Variants in TAS2R40 observed in about 807,000 individuals in gnomAD.
TAS2R40 encodes the protein taste receptor type 2 member 40.
In TAS2R40, 14 loss-of-function variants were observed where a neutral mutation model predicts 16.5. The ratio of observed to expected loss-of-function variants is 0.85; its 90% CI spans 0.56 to 1.32. The LOEUF is 1.32. Among genes scored for constraint, TAS2R40 ranks in the 40% most tolerant of loss-of-function variants. The pLI, the probability that TAS2R40 is intolerant of heterozygous loss-of-function variation, is 0.00. For missense variants in TAS2R40, 350 were observed against 385.9 expected (o/e 0.91, Z 0.78); for synonymous variants, 152 against 150.2 (o/e 1.01, Z -0.09).
rs769936298 is a variant in TAS2R40 at position 143,222,810 on chromosome 7, G to T, written c.732G>T (p.Gly244=). The T allele has an allele frequency of 1.2e-6, 2 of 1,614,110 alleles. No homozygotes were observed. The highest frequency in any genetic ancestry group is 1.7e-6 in the Non-Finnish European group (2 of 1,180,024). Reference sequence around the variant, plus strand: ...ACCCCAGCATGAAGGCTCACATAGGGGCCATCAAAGCCACCAGCTACTTTC... The same window carrying T: ...ACCCCAGCATGAAGGCTCACATAGGTGCCATCAAAGCCACCAGCTACTTTC... ...SRDPSMKAHI[G]AIKATSYFLI... Residue 244 remains glycine, a synonymous_variant, in exon 1 of 1, where the codon GGG becomes GGT. Transcript: ENST00000408947.
In TAS2R40 at chr7:143,222,495, A is replaced by G; in HGVS notation, c.417A>G (p.Ile139Met). ...TCTTCCTGATGAAGAGGAAAATCAT[A>G]GTGCTGATGCCTTGGCTTCTCAGGC... ...PLFFLMKRKI[I>M]VLMPWLLRLS... Residue 139 changes from isoleucine to methionine, a missense_variant, in exon 1 of 1, where the codon ATA becomes ATG. Coordinates refer to ENST00000408947, the MANE Select transcript of TAS2R40 (RefSeq NM_176882.2). 1 of 1,614,190 alleles carries G rather than the reference A, an allele frequency of 6.2e-7. No individual in the cohort carries two copies. Among genetic ancestry groups the G allele is most frequent in the East Asian group, 2.2e-5 (1 of 44,880 alleles).
At position 143,222,962 on chromosome 7, in the gene TAS2R40, A is replaced by T. The variant is rs549191879; in HGVS notation, c.884A>T (p.Gln295Leu). 90 of 1,614,174 alleles carry T rather than the reference A, an allele frequency of 5.6e-5. No homozygotes were observed. In the South Asian group the frequency reaches 9.4e-4, roughly 17 times the overall value. ...MAAYPAGHSV[Q>L]LILGNPGLRR... ...GCCTACCCTGCCGGCCACTCAGTAC[A>T]ACTGATCTTGGGCAACCCTGGGCTG... The change falls in exon 1 of 1, where the codon CAA becomes CTA. Residue 295 changes from glutamine (Q) to leucine (L), a missense_variant. Physicochemically the swap from Gln to Leu is moderately radical, Grantham distance 113 (BLOSUM62 -2). Coordinates refer to ENST00000408947, the MANE Select transcript of TAS2R40 (RefSeq NM_176882.2).
Position 143,222,810 on chromosome 7 carries a change from G to A in TAS2R40, c.732G>A (p.Gly244=), listed in dbSNP as rs769936298. The stretch of plus-strand genomic sequence containing the variant: ...ACCCCAGCATGAAGGCTCACATAGG[G>A]GCCATCAAAGCCACCAGCTACTTTC... ...SRDPSMKAHI[G]AIKATSYFLI... Residue 244 remains glycine (G), a synonymous_variant, in exon 1 of 1, where the codon GGG becomes GGA. Coordinates refer to ENST00000408947, the MANE Select transcript of TAS2R40 (RefSeq NM_176882.2). The A allele has an allele frequency of 1.9e-6, 3 of 1,614,110 alleles. No homozygotes were observed. The South Asian group carries it at 3.3e-5, about 18-fold the overall frequency.
Position 143,223,015 on chromosome 7 carries a change from C to G in TAS2R40, c.937C>G (p.Gln313Glu). Residue 313 changes from glutamine (Q) to glutamate (E), a missense_variant, in exon 1 of 1, where the codon CAA becomes GAA. By Grantham distance (29) the Gln-to-Glu change is conservative. Transcript: ENST00000408947. ...LRRAWKRFQH[Q>E]VPLYLKGQTL ...AAGAGCCTGGAAGCGGTTTCAGCACCAAGTTCCTCTTTACCTAAAAGGGCA... is the reference window on the plus strand; with the variant it reads ...AAGAGCCTGGAAGCGGTTTCAGCACGAAGTTCCTCTTTACCTAAAAGGGCA... 2 of 1,612,204 alleles carry G rather than the reference C, an allele frequency of 1.2e-6. No individual in the cohort carries two copies.
In TAS2R40 at chr7:143,222,588, T is replaced by G; in HGVS notation, c.510T>G (p.Asn170Lys). Reference sequence around the variant, plus strand: ...GAGATGTCTTCAATGTGTATGTGAATAGCTCCATTCCTATCCCCTCCTCCA... The same window carrying G: ...GAGATGTCTTCAATGTGTATGTGAAGAGCTCCATTCCTATCCCCTCCTCCA... ...LSRDVFNVYVNSSIPIPSSNS... is the reference protein window; with the variant it reads ...LSRDVFNVYVKSSIPIPSSNS... Residue 170 changes from asparagine (N) to lysine (K), a missense_variant, in exon 1 of 1, where the codon AAT (asparagine) becomes AAG (lysine). Asn to Lys is a moderately conservative substitution (Grantham distance 94, BLOSUM62 0). Transcript: ENST00000408947. 1 of 1,614,182 alleles carries G rather than the reference T, an allele frequency of 6.2e-7. No individual in the cohort carries two copies. Among genetic ancestry groups the G allele is most frequent in the Non-Finnish European group, 8.5e-7 (1 of 1,180,030 alleles).
In TAS2R40 at chr7:143,222,086, C is replaced by T. The variant is rs1293222964; in HGVS notation, c.8C>T (p.Thr3Met). MA[T>M]VNTDATDKDI... ...AAGTCAGGATCAAAGAGAATGGCAA[C>T]GGTGAACACAGATGCCACAGATAAA... Residue 3 changes from threonine (T) to methionine (M), a missense_variant, in exon 1 of 1, where the codon ACG becomes ATG. Physicochemically the swap from Thr to Met is moderately conservative, Grantham distance 81 (BLOSUM62 -1). Transcript: ENST00000408947. 7.5e-6 allele frequency: 12 copies of T among 1,607,608 alleles called. No homozygotes were observed. Among genetic ancestry groups the T allele is most frequent in the Middle Eastern group, 1.7e-4 (1 of 6,016 alleles).
Position 143,223,051 on chromosome 7 carries a change from C to A in TAS2R40, c.*1C>A. On this transcript the variant is annotated 3_prime_UTR_variant, in exon 1 of 1. Transcript: ENST00000408947. The stretch of plus-strand genomic sequence containing the variant: ...TTACCTAAAAGGGCAGACTCTGTGA[C>A]TGGAACTCACGGAGTTCTGCGGGAC... The A allele has an allele frequency of 6.3e-7, 1 of 1,592,832 alleles. No homozygotes were observed.
In TAS2R40 at chr7:143,222,279, G is replaced by C; in HGVS notation, c.201G>C (p.Arg67Ser). 2 of 1,614,110 alleles carry C rather than the reference G, an allele frequency of 1.2e-6. No individual in the cohort carries two copies. The highest frequency in any genetic ancestry group is 1.7e-6 in the Non-Finnish European group (2 of 1,180,018). The change falls in exon 1 of 1, where the codon AGG (arginine) becomes AGC (serine). Residue 67 changes from arginine (R) to serine (S), a missense_variant. By Grantham distance (110) the Arg-to-Ser change is moderately radical (BLOSUM62 -1). Coordinates refer to ENST00000408947, the MANE Select transcript of TAS2R40 (RefSeq NM_176882.2). The part of the protein sequence containing the change: ...DRIMLMLSFS[R>S]LLLQIWMMLE... The stretch of plus-strand genomic sequence containing the variant: ...TTATGTTGATGCTGAGCTTTTCCAG[G>C]CTCTTGCTACAGATTTGGATGATGC...
rs925983468 is a variant in TAS2R40, at chr7:143,222,318, C to T, written c.240C>T (p.Phe80=). 2.5e-6 allele frequency: 4 copies of T among 1,614,192 alleles called. No individual in the cohort carries two copies. The South Asian group carries it at 4.4e-5, about 18-fold the overall frequency. Residue 80 remains phenylalanine (F), a synonymous_variant, in exon 1 of 1, where the codon TTC becomes TTT. Coordinates refer to ENST00000408947, the MANE Select transcript of TAS2R40 (RefSeq NM_176882.2). ...TTTGGATGATGCTGGAGAACATTTTCAGTCTGCTATTCCGAATTGTTTATA... is the reference window on the plus strand; with the variant it reads ...TTTGGATGATGCTGGAGAACATTTTTAGTCTGCTATTCCGAATTGTTTATA... ...LQIWMMLENI[F]SLLFRIVYNQ...
rs1800252724 is a variant in TAS2R40 at position 143,222,785 on chromosome 7, A to G, written c.707A>G (p.Asp236Gly). 6.2e-7 allele frequency: 1 copy of G among 1,614,100 alleles called. No homozygotes were observed. Among genetic ancestry groups the G allele is most frequent in the Non-Finnish European group, 8.5e-7 (1 of 1,180,028 alleles). ...GGAAGCAATGCCACAGGGTCCAGGG[A>G]CCCCAGCATGAAGGCTCACATAGGG... Reference protein sequence around the residue: ...HMGSNATGSRDPSMKAHIGAI... With the variant: ...HMGSNATGSRGPSMKAHIGAI... Residue 236 changes from aspartate to glycine, a missense_variant, in exon 1 of 1, where the codon GAC becomes GGC. Asp to Gly is a moderately conservative substitution (Grantham distance 94). Coordinates refer to ENST00000408947, the MANE Select transcript of TAS2R40 (RefSeq NM_176882.2).
rs1320836433 is a variant in TAS2R40 at position 143,222,569 on chromosome 7, T to C, written c.491T>C (p.Val164Ala). Reference sequence around the variant, plus strand: ...TTCAGCTTTCCTCTCTCGAGAGATGTCTTCAATGTGTATGTGAATAGCTCC... The same window carrying C: ...TTCAGCTTTCCTCTCTCGAGAGATGCCTTCAATGTGTATGTGAATAGCTCC... ...LSFSFPLSRD[V>A]FNVYVNSSIP... Residue 164 changes from valine (V) to alanine (A), a missense_variant, in exon 1 of 1, where the codon GTC becomes GCC. Transcript: ENST00000408947. The C allele has an allele frequency of 1.2e-6, 2 of 1,614,220 alleles. No homozygotes were observed. The highest frequency in any genetic ancestry group is 1.7e-6 in the Non-Finnish European group (2 of 1,180,026).
chr7:143,222,687 C>T lies in TAS2R40; in HGVS notation c.609C>T (p.Phe203=), dbSNP rs757343694. The T allele has an allele frequency of 8.7e-6, 14 of 1,614,128 alleles. No homozygotes were observed. The highest frequency in any genetic ancestry group is 1.2e-5 in the Non-Finnish European group (14 of 1,180,024). Residue 203 remains phenylalanine (F), a synonymous_variant, in exon 1 of 1, where the codon TTC becomes TTT. Coordinates refer to ENST00000408947, the MANE Select transcript of TAS2R40 (RefSeq NM_176882.2). ...TATTTTTCTATAACATGGGGATCTT[C>T]GTTCCTCTGATCATGTTCATCCTGG... ...NLVFFYNMGI[F]VPLIMFILAA...
Position 143,222,089 on chromosome 7 carries a change from T to G in TAS2R40, c.11T>G (p.Val4Gly). The G allele has an allele frequency of 6.2e-7, 1 of 1,610,736 alleles. No homozygotes were observed. Reference protein sequence around the residue: MATVNTDATDKDIS... With the variant: MATGNTDATDKDIS... ...TCAGGATCAAAGAGAATGGCAACGG[T>G]GAACACAGATGCCACAGATAAAGAC... Residue 4 changes from valine to glycine, a missense_variant, in exon 1 of 1, where the codon GTG (valine) becomes GGG (glycine). Physicochemically the swap from Val to Gly is moderately radical, Grantham distance 109. Coordinates refer to ENST00000408947, the MANE Select transcript of TAS2R40 (RefSeq NM_176882.2).
rs765907971 is a variant in TAS2R40, at chr7:143,222,058, T to G, written c.-21T>G. 6.3e-7 allele frequency: 1 copy of G among 1,587,478 alleles called. No homozygotes were observed. The highest frequency in any genetic ancestry group is 2.2e-5 in the East Asian group (1 of 44,518). Reference sequence around the variant, plus strand: ...GTTACCCATTCTTGGCGCAGAAACCTGAAAGTCAGGATCAAAGAGAATGGC... The same window carrying G: ...GTTACCCATTCTTGGCGCAGAAACCGGAAAGTCAGGATCAAAGAGAATGGC... On this transcript the variant is annotated 5_prime_UTR_variant, in exon 1 of 1. Transcript: ENST00000408947.
In TAS2R40 at chr7:143,222,561, G is replaced by A. The variant is rs201465162; in HGVS notation, c.483G>A (p.Ser161=). The change falls in exon 1 of 1, where the codon TCG becomes TCA. Residue 161 remains serine, a synonymous_variant. Transcript: ENST00000408947. ...CCTTAAGCTTCAGCTTTCCTCTCTC[G>A]AGAGATGTCTTCAATGTGTATGTGA... is the stretch of plus-strand genomic sequence containing the variant. ...LVSLSFSFPL[S]RDVFNVYVNS... 2.9e-4 allele frequency: 476 copies of A among 1,614,118 alleles called. 2 individuals carry two copies. In the East Asian group the frequency reaches 3.2e-3, roughly 11 times the overall value.
chr7:143,222,507 T>C lies in TAS2R40; in HGVS notation c.429T>C (p.Pro143=). Reference sequence around the variant, plus strand: ...AGAGGAAAATCATAGTGCTGATGCCTTGGCTTCTCAGGCTGTCAGTGTTGG... The same window carrying C: ...AGAGGAAAATCATAGTGCTGATGCCCTGGCTTCTCAGGCTGTCAGTGTTGG... ...LMKRKIIVLM[P]WLLRLSVLVS... is the part of the protein sequence containing the mutation. Residue 143 remains proline (P), a synonymous_variant, in exon 1 of 1, where the codon CCT becomes CCC. Transcript: ENST00000408947. The C allele has an allele frequency of 5.0e-6, 8 of 1,614,208 alleles. No homozygotes were observed. The highest frequency in any genetic ancestry group is 6.8e-6 in the Non-Finnish European group (8 of 1,180,032).
Position 143,222,709 on chromosome 7 carries a change from C to G in TAS2R40, c.631C>G (p.Leu211Val), listed in dbSNP as rs767613389. The change falls in exon 1 of 1, where the codon CTG (leucine) becomes GTG (valine). Residue 211 changes from leucine (L) to valine (V), a missense_variant. Physicochemically the swap from Leu to Val is conservative, Grantham distance 32. Transcript: ENST00000408947. ...CTTCGTTCCTCTGATCATGTTCATC[C>G]TGGCAGCCACCCTGCTGATCCTCTC... ...GIFVPLIMFI[L>V]AATLLILSLK... The G allele has an allele frequency of 1.2e-6, 2 of 1,614,144 alleles. No individual in the cohort carries two copies. The highest frequency in any genetic ancestry group is 2.2e-5 in the South Asian group (2 of 91,084).
In TAS2R40 at chr7:143,222,891, T is replaced by C; in HGVS notation, c.813T>C (p.Phe271=). 1.9e-6 allele frequency: 3 copies of C among 1,614,218 alleles called. No homozygotes were observed. Among genetic ancestry groups the C allele is most frequent in the Non-Finnish European group, 2.5e-6 (3 of 1,180,038 alleles). ...TATTTCTTTCCACGTCCAACATCTT[T>C]GACACTTACAGTTCCTGGAATATTT... ...IALFLSTSNI[F]DTYSSWNILC... is the part of the protein sequence containing the mutation. Residue 271 remains phenylalanine, a synonymous_variant, in exon 1 of 1, where the codon TTT becomes TTC. Coordinates refer to ENST00000408947, the MANE Select transcript of TAS2R40 (RefSeq NM_176882.2).
chr7:143,222,045 T>A lies in TAS2R40; in HGVS notation c.-34T>A. 1 of 1,575,598 alleles carries A rather than the reference T, an allele frequency of 6.3e-7. No individual in the cohort carries two copies. Among genetic ancestry groups the A allele is most frequent in the Non-Finnish European group, 8.6e-7 (1 of 1,158,838 alleles). On this transcript the variant is annotated 5_prime_UTR_variant, in exon 1 of 1. Transcript: ENST00000408947. Reference sequence around the variant, plus strand: ...AGATTGCAGAGCAGTTACCCATTCTTGGCGCAGAAACCTGAAAGTCAGGAT... The same window carrying A: ...AGATTGCAGAGCAGTTACCCATTCTAGGCGCAGAAACCTGAAAGTCAGGAT...
Sources: gnomAD v4.1 joint callset for allele counts on GRCh38, gnomAD v4.1.1 for gene constraint, MANE v1.5 for transcripts, NCBI Gene and HGNC (gene_info 2026-07-23, HGNC 2026-07-21) for gene names.